The following PSIP1 variants were observed in gnomAD, a reference collection of about 807,000 sequenced individuals.
PSIP1 encodes the protein PC4 and SFRS1-interacting protein.
PSIP1 carries 19 observed loss-of-function variants against 74.7 expected under a neutral mutation model. The ratio of observed to expected loss-of-function variants is 0.25; its 90% CI spans 0.18 to 0.37. The LOEUF is 0.37. Ranked by LOEUF, PSIP1 falls within the 10% of genes least tolerant of loss-of-function variation. The pLI is 1.00. For synonymous variants in PSIP1, 222 were observed against 195.3 expected (o/e 1.14, Z -1.14); for missense variants, 601 against 614.3 (o/e 0.98, Z 0.23).
intron 2 of PSIP1, among the ~76,000 whole-genome samples, chr9:15,506,958 A>T (rs951722339): frequency 6.6e-6 from 1 of 152,240 alleles, no homozygotes; most frequent in Admixed American, 6.5e-5. Context: ...AATATATGGC[A>T]TATGTACTCT....
intron 7 of PSIP1, 135 bp from the exon 8 acceptor site, chr9:15,478,687 T>G: frequency 1.7e-6 from 1 of 588,664 alleles, no homozygotes; most frequent in Non-Finnish European, 2.9e-6. Context: ...TATTGCTAAA[T>G]TGAAAAAATA....
intron 13 of PSIP1, 30 bp downstream of exon 13, chr9:15,468,927 A>T: frequency 6.2e-7 from 1 of 1,607,448 alleles, no homozygotes; most frequent in Non-Finnish European, 8.5e-7. Flanking sequence ...GACAAAATTC[A>T]AAGAATCCAC....
intron 4 of PSIP1, 69 bp downstream of exon 4, chr9:15,489,917 T>C: frequency 7.9e-7 from 1 of 1,272,732 alleles, no homozygotes; most frequent in Non-Finnish European, 1.0e-6. Context: ...TTTACTTTCC[T>C]ACAGCTAGGA....
chr9:15,490,288 A>T (rs1392882335), intron 3 of PSIP1, among the ~76,000 whole-genome samples, 164 bp from the exon 4 acceptor site: 26 of 152,238 alleles, frequency 1.7e-4, no homozygotes, highest in Admixed American at 1.6e-3. Context: ...CTTTTATTAA[A>T]TTCAGTAACA....
intron 3 of PSIP1, among the ~76,000 whole-genome samples, chr9:15,495,506 T>C (rs536248410): frequency 6.6e-6 from 1 of 152,318 alleles, no homozygotes; most frequent in South Asian, 2.1e-4. Flanking sequence ...ACCAACTTAG[T>C]ATGCTGTAAC....
intron 14 of PSIP1, chr9:15,468,318 C>G (rs997709094): frequency 3.4e-6 from 2 of 583,032 alleles, no homozygotes; most frequent in Non-Finnish European, 6.6e-6. Flanking sequence ...GCTGAGCAAC[C>G]AGGAAGTGGG....
At chr9:15,503,538 G>A (rs952444708) in intron 3 of PSIP1, among the ~76,000 whole-genome samples, 5 of 151,724 alleles carry the variant, frequency 3.3e-5, no homozygotes, top group Non-Finnish European at 5.9e-5. Context: ...GCAAGCTACT[G>A]CAGTTATCAG....
chr9:15,506,493 T>G (rs2037593550), intron 3 of PSIP1, 68 bp downstream of exon 3: 1 of 1,115,618 alleles, frequency 9.0e-7, no homozygotes, highest in Non-Finnish European at 1.3e-6. Context: ...CCCCCTTGAA[T>G]TAATGTCTAC....
chr9:15,490,541 G>A (rs983939265), intron 3 of PSIP1, among the ~76,000 whole-genome samples: 2 of 151,866 alleles, frequency 1.3e-5, no homozygotes, highest in Non-Finnish European at 2.9e-5. Context: ...AAATTAGCCG[G>A]GCGTGGTGGC....
chr9:15,483,901 G>C (rs1290410502), intron 6 of PSIP1, among the ~76,000 whole-genome samples: 1 of 152,132 alleles, frequency 6.6e-6, no homozygotes, highest in Non-Finnish European at 1.5e-5. Flanking sequence ...GCAGAGGTGA[G>C]CAGATCACTT....
At chr9:15,499,875 CAA>C (rs559078122) in intron 3 of PSIP1, among the ~76,000 whole-genome samples, 6 of 68,330 alleles carry the variant, frequency 8.8e-5, no homozygotes, top group Non-Finnish European at 9.5e-5. Context: ...GACTCTGTCT[CAA>C]AAAAAAAAAA....
At chr9:15,506,686 C>T in intron 2 of PSIP1, 49 bp from the exon 3 acceptor site, 1 of 1,350,786 alleles carries the variant, frequency 7.4e-7, no homozygotes, top group Non-Finnish European at 1.1e-6. Context: ...ATACACACCT[C>T]AACATTTATC....
intron 10 of PSIP1, 65 bp downstream of exon 10, chr9:15,472,564 CTAT>C (rs780071729): frequency 6.0e-5 from 92 of 1,525,936 alleles, no homozygotes; most frequent in Admixed American, 1.9e-4. Context: ...AAATGAAAGT[CTAT>C]TATTTAAAAA....
chr9:15,507,305 A>G (rs35722073), intron 2 of PSIP1, among the ~76,000 whole-genome samples: 2,077 of 152,280 alleles, frequency 0.014, 40 homozygotes, highest in African/African-American at 0.048. Context: ...TCCCTCATCA[A>G]TAAAGGAAAA....
chr9:15,489,947 T>C, intron 4 of PSIP1, 39 bp downstream of exon 4: 1 of 1,438,236 alleles, frequency 7.0e-7, no homozygotes, highest in African/African-American at 1.4e-5. Flanking sequence ...TTCCCCAGGA[T>C]TAAATAAGTA....
intron 7 of PSIP1, among the ~76,000 whole-genome samples, 161 bp from the exon 8 acceptor site, chr9:15,478,713 T>A (rs1587479969): frequency 6.6e-6 from 1 of 152,146 alleles, no homozygotes; most frequent in Non-Finnish European, 1.5e-5. Context: ...TCCCCCACCA[T>A]GGTTAAAATG....
At chr9:15,469,811 A>G (rs1319667640) in intron 11 of PSIP1, 127 bp downstream of exon 11, 1 of 749,714 alleles carries the variant, frequency 1.3e-6, no homozygotes, top group Non-Finnish European at 2.1e-6. Flanking sequence ...CCCATTAGGG[A>G]TTTGAAAAAT....
chr9:15,475,191 G>A (rs1180607126), intron 8 of PSIP1, among the ~76,000 whole-genome samples: 1 of 152,022 alleles, frequency 6.6e-6, no homozygotes, highest in East Asian at 1.9e-4. Flanking sequence ...AATTATCATT[G>A]GGTATGCTTA....
At chr9:15,478,614 G>A in intron 7 of PSIP1, 62 bp from the exon 8 acceptor site, 1 of 1,106,918 alleles carries the variant, frequency 9.0e-7, no homozygotes, top group East Asian at 2.4e-5. Context: ...ACAAATCTCA[G>A]ATATAAATAT....
Sources: gnomAD v4.1 joint callset for allele counts (sites outside exome capture counted in the v4.1 genomes callset) on GRCh38, gnomAD v4.1.1 for gene constraint, MANE v1.5 for transcripts, NCBI Gene and HGNC (gene_info 2026-07-23, HGNC 2026-07-21) for gene names.